The following IL1RAPL2 variants were observed in gnomAD, a reference collection of about 807,000 sequenced individuals.
IL1RAPL2 encodes interleukin 1 receptor accessory protein like 2.
In IL1RAPL2, 3 loss-of-function variants were observed where a neutral mutation model predicts 44.1. The observed-to-expected ratio is 0.07, with a 90% CI of 0.03 to 0.18. The LOEUF (loss-of-function observed/expected upper bound fraction) is 0.18, where lower values mean the gene tolerates loss of function less well. IL1RAPL2 is among the 10% of genes least tolerant of loss of function. The pLI is 1.00. For synonymous variants in IL1RAPL2, 181 were observed against 178.8 expected, an observed-to-expected ratio of 1.01 and a Z score of -0.10; for missense variants, 391 against 496.4, an observed-to-expected ratio of 0.79 and a Z score of 2.02.
At chrX:105,570,225 T>C (rs1306738478) in intron 6 of IL1RAPL2, among the ~76,000 whole-genome samples, 1 of 111,817 alleles carries the variant, frequency 8.9e-6, no homozygotes, top group Non-Finnish European at 1.9e-5. Flanking sequence ...ATGTTTGCTT[T>C]TCCATTCCTG....
chrX:104,767,145 C>T (rs932929677), intron 2 of IL1RAPL2, among the ~76,000 whole-genome samples: 8 of 111,969 alleles, frequency 7.1e-5, no homozygotes, highest in African/African-American at 2.6e-4. Context: ...CAGTGAGTTT[C>T]TGGGGGCCAT....
At chrX:105,005,010 G>C (rs1052672055) in intron 2 of IL1RAPL2, among the ~76,000 whole-genome samples, 1 of 110,923 alleles carries the variant, frequency 9.0e-6, no homozygotes, top group Admixed American at 9.6e-5. Flanking sequence ...AATCCCCCAC[G>C]TATGTTCTAT....
chrX:104,619,320 C>T (rs1929339770), intron 1 of IL1RAPL2, among the ~76,000 whole-genome samples: 1 of 112,144 alleles, frequency 8.9e-6, no homozygotes, highest in Non-Finnish European at 1.9e-5. Context: ...GGTGTCTTTC[C>T]CTTGCAGAGT....
At chrX:105,609,243 A>T (rs1350251055) in intron 6 of IL1RAPL2, among the ~76,000 whole-genome samples, 1 of 111,847 alleles carries the variant, frequency 8.9e-6, no homozygotes, top group Non-Finnish European at 1.9e-5. Context: ...AAGCAAGGAG[A>T]TAAATATTGG....
chrX:105,384,996 T>C (rs1177098043), intron 5 of IL1RAPL2, among the ~76,000 whole-genome samples: 14 of 111,590 alleles, frequency 1.3e-4, no homozygotes, highest in Non-Finnish European at 1.9e-4. Context: ...TTCTAATAGA[T>C]TTTTTGGTAG....
At chrX:105,598,159 A>T (rs766850280) in intron 6 of IL1RAPL2, among the ~76,000 whole-genome samples, 1 of 111,526 alleles carries the variant, frequency 9.0e-6, no homozygotes, top group African/African-American at 3.3e-5. Flanking sequence ...TGCCATTTAC[A>T]AGCTAGATGC....
intron 2 of IL1RAPL2, among the ~76,000 whole-genome samples, chrX:104,909,018 T>C (rs1216796932): frequency 9.1e-6 from 1 of 110,423 alleles, no homozygotes; most frequent in African/African-American, 3.3e-5. Flanking sequence ...CATAGTCCCA[T>C]ATTTCTTGGA....
intron 2 of IL1RAPL2, among the ~76,000 whole-genome samples, chrX:104,900,116 A>G (rs1325594955): frequency 8.9e-6 from 1 of 112,115 alleles, no homozygotes; most frequent in African/African-American, 3.2e-5. Flanking sequence ...CTCATCTGCT[A>G]GGTGATATCT....
At chrX:104,833,397 G>A (rs1344469208) in intron 2 of IL1RAPL2, among the ~76,000 whole-genome samples, 2 of 112,225 alleles carry the variant, frequency 1.8e-5, no homozygotes, top group African/African-American at 3.2e-5. Flanking sequence ...TTTTCAGGGA[G>A]ATCACAAAGA....
intron 2 of IL1RAPL2, among the ~76,000 whole-genome samples, chrX:104,760,484 G>T (rs763413143): frequency 2.7e-5 from 3 of 111,931 alleles, no homozygotes; most frequent in Non-Finnish European, 5.6e-5. Context: ...TTTAACTGGG[G>T]TGAGGTGATA....
At chrX:104,618,945 G>A (rs751045069) in intron 1 of IL1RAPL2, among the ~76,000 whole-genome samples, 19 of 111,830 alleles carry the variant, frequency 1.7e-4, no homozygotes, top group African/African-American at 4.9e-4. Context: ...ACCATCTCAA[G>A]GGGGAAAGCT....
At chrX:105,671,208 AAGGGCT>A (rs1369598089) in intron 6 of IL1RAPL2, among the ~76,000 whole-genome samples, 1 of 111,544 alleles carries the variant, frequency 9.0e-6, no homozygotes, top group Non-Finnish European at 1.9e-5. Context: ...TGGCCTCCCA[AAGGGCT>A]AGGATTAAAG....
rs145956530 is a variant in IL1RAPL2, at chrX:105,037,067, A to C, written c.83-158408A>C. 9.6e-3 allele frequency among the ~76,000 whole-genome samples: 1,071 copies of C among 112,135 alleles called. 11 individuals carry two copies. Among genetic ancestry groups the C allele is most frequent in the Non-Finnish European group, 0.016 (869 of 53,241 alleles). On this transcript the variant is annotated intron_variant, in intron 2 of 10. Coordinates refer to ENST00000372582, the MANE Select transcript of IL1RAPL2 (RefSeq NM_017416.2). ...TATTAACATGCACAATTTTGCAGACATAAATTTTTTGAGAATCTCTTAGAA... is the reference window on the plus strand; with the variant it reads ...TATTAACATGCACAATTTTGCAGACCTAAATTTTTTGAGAATCTCTTAGAA...
intron 2 of IL1RAPL2, among the ~76,000 whole-genome samples, chrX:105,065,059 T>C (rs1161066914): frequency 8.9e-6 from 1 of 112,320 alleles, no homozygotes; most frequent in Non-Finnish European, 1.9e-5. Flanking sequence ...TTATATAGTT[T>C]TCTGGAAACA....
chrX:105,664,450 C>A (rs761335641), intron 6 of IL1RAPL2, among the ~76,000 whole-genome samples: 1 of 112,052 alleles, frequency 8.9e-6, no homozygotes, highest in African/African-American at 3.2e-5. Flanking sequence ...AAAAGATAAA[C>A]ACCAGTTGCC....
At chrX:105,672,182 T>C (rs1250579932) in intron 6 of IL1RAPL2, among the ~76,000 whole-genome samples, 1 of 112,120 alleles carries the variant, frequency 8.9e-6, no homozygotes, top group Non-Finnish European at 1.9e-5. Flanking sequence ...TGTTCATTTT[T>C]TTTTGAGATT....
chrX:105,444,005 G>A (rs2035938314), intron 5 of IL1RAPL2, among the ~76,000 whole-genome samples: 1 of 112,031 alleles, frequency 8.9e-6, no homozygotes, highest in Non-Finnish European at 1.9e-5. Context: ...CCAGCATTTG[G>A]TATTGCCTGT....
At chrX:105,242,506 G>A (rs868968562) in intron 4 of IL1RAPL2, among the ~76,000 whole-genome samples, 7 of 111,203 alleles carry the variant, frequency 6.3e-5, no homozygotes, top group South Asian at 3.8e-4. Flanking sequence ...TCTTTCTCCC[G>A]TTCAGTCTAT....
chrX:105,061,560 TG>T (rs1018045867), intron 2 of IL1RAPL2, among the ~76,000 whole-genome samples: 1 of 112,108 alleles, frequency 8.9e-6, no homozygotes, highest in Non-Finnish European at 1.9e-5. Context: ...CCATTTGTTC[TG>T]TAGTGCAGAT....
Sources: gnomAD v4.1 joint callset for allele counts (sites outside exome capture counted in the v4.1 genomes callset) on GRCh38, gnomAD v4.1.1 for gene constraint, MANE v1.5 for transcripts, NCBI Gene and HGNC (gene_info 2026-07-23, HGNC 2026-07-21) for gene names.